The following KCNH8 variants were observed in gnomAD, a reference collection of about 807,000 sequenced individuals.
The protein encoded by KCNH8 is potassium voltage-gated channel subfamily H member 8.
KCNH8 carries 70 observed loss-of-function variants against 103.6 expected under a neutral mutation model. The observed-to-expected ratio is 0.68, with a 90% CI of 0.56 to 0.82. The LOEUF (loss-of-function observed/expected upper bound fraction) is 0.82, where lower values mean the gene tolerates loss of function less well. Ranked by LOEUF, KCNH8 falls within the 40% of genes least tolerant of loss-of-function variation. KCNH8 has a pLI of 0.00. For missense variants in KCNH8, 1,217 were observed against 1,329.9 expected (o/e 0.92, Z 1.32); for synonymous variants, 498 against 489.4 (o/e 1.02, Z -0.23).
intron 1 of KCNH8, among the ~76,000 whole-genome samples, chr3:19,150,735 T>A (rs931261016): frequency 1.3e-5 from 2 of 152,186 alleles, no homozygotes; most frequent in Non-Finnish European, 1.5e-5. Flanking sequence ...TCCTTATTTT[T>A]AAAGAAGACC....
At chr3:19,332,742 C>T (rs912785948) in intron 3 of KCNH8, among the ~76,000 whole-genome samples, 5 of 152,252 alleles carry the variant, frequency 3.3e-5, no homozygotes, top group African/African-American at 1.2e-4. Context: ...AAGCGATTCT[C>T]ATGCCTCAGG....
At chr3:19,368,435 T>C (rs1411376031) in intron 5 of KCNH8, among the ~76,000 whole-genome samples, 2 of 151,844 alleles carry the variant, frequency 1.3e-5, no homozygotes, top group African/African-American at 4.8e-5. Context: ...GGTAAGAAAG[T>C]GTGATGAGAG....
chr3:19,431,303 T>C (rs1468112144), intron 7 of KCNH8, among the ~76,000 whole-genome samples: 3 of 152,242 alleles, frequency 2.0e-5, no homozygotes, highest in African/African-American at 7.2e-5. Context: ...TTTGTGTATG[T>C]TGAACCAACC....
At chr3:19,423,473 T>G (rs2066980836) in intron 7 of KCNH8, among the ~76,000 whole-genome samples, 1 of 152,048 alleles carries the variant, frequency 6.6e-6, no homozygotes, top group Non-Finnish European at 1.5e-5. Context: ...ATCATTCTTA[T>G]GCCTTTGCAT....
intron 11 of KCNH8, among the ~76,000 whole-genome samples, chr3:19,461,324 C>T (rs955234022): frequency 6.6e-6 from 1 of 152,072 alleles, no homozygotes; most frequent in African/African-American, 2.4e-5. Flanking sequence ...TAAGTTTGGA[C>T]CTCTGTTTCT....
chr3:19,274,878 C>T (rs1223583760), intron 2 of KCNH8, among the ~76,000 whole-genome samples: 4 of 85,092 alleles, frequency 4.7e-5, no homozygotes, highest in Non-Finnish European at 8.5e-5. Context: ...CCCCTCCCCA[C>T]CCCTCCCCTC....
intron 11 of KCNH8, among the ~76,000 whole-genome samples, chr3:19,505,160 T>G (rs919000053): frequency 1.3e-5 from 2 of 151,830 alleles, no homozygotes. Flanking sequence ...TAAATGAACA[T>G]GGATGGAGCT....
intron 1 of KCNH8, among the ~76,000 whole-genome samples, chr3:19,182,470 G>T (rs1019099111): frequency 6.6e-6 from 1 of 152,190 alleles, no homozygotes; most frequent in African/African-American, 2.4e-5. Flanking sequence ...GGCAGAGCTT[G>T]CCGTGAGCCA....
At chr3:19,397,593 G>C (rs1354173162) in intron 7 of KCNH8, among the ~76,000 whole-genome samples, 3 of 150,806 alleles carry the variant, frequency 2.0e-5, no homozygotes, top group Non-Finnish European at 4.4e-5. Flanking sequence ...TTATGGGTCA[G>C]TGTCCACATA....
intron 3 of KCNH8, among the ~76,000 whole-genome samples, chr3:19,309,485 C>T (rs2065182349): frequency 6.6e-6 from 1 of 151,936 alleles, no homozygotes; most frequent in Non-Finnish European, 1.5e-5. Context: ...ATTCATTCAG[C>T]AGTCACCAAA....
chr3:19,534,380 T>C lies in KCNH8; in HGVS notation c.*281T>C. The C allele has an allele frequency of 2.4e-6, 1 of 424,374 alleles. No individual in the cohort carries two copies. The highest frequency in any genetic ancestry group is 4.2e-6 in the Non-Finnish European group (1 of 238,742). 26.3% of individuals were successfully genotyped at this position (424,374 alleles called of 1,614,324 possible). On this transcript the variant is annotated 3_prime_UTR_variant, in exon 16 of 16. Coordinates refer to ENST00000328405, the MANE Select transcript of KCNH8 (RefSeq NM_144633.3). ...CAAAGACCCTGAGGGTCTGAGCAGC[T>C]AGAAGTCCTAGACAAAGAACTTGTG...
At chr3:19,374,342 T>A (rs2066155075) in intron 5 of KCNH8, among the ~76,000 whole-genome samples, 1 of 151,786 alleles carries the variant, frequency 6.6e-6, no homozygotes, top group South Asian at 2.1e-4. Flanking sequence ...CTTGTTGAAT[T>A]GATCCCTTTA....
chr3:19,495,916 A>C (rs1413647894), intron 11 of KCNH8, among the ~76,000 whole-genome samples: 1 of 151,710 alleles, frequency 6.6e-6, no homozygotes, highest in African/African-American at 2.4e-5. Context: ...ATCTTTCACC[A>C]CTCTGGTTAG....
chr3:19,424,415 A>G (rs1055488720), intron 7 of KCNH8, among the ~76,000 whole-genome samples: 3 of 152,182 alleles, frequency 2.0e-5, no homozygotes, highest in Non-Finnish European at 4.4e-5. Context: ...CACATGTGGA[A>G]GAAGGAAACT....
chr3:19,375,305 G>C (rs6114184), intron 5 of KCNH8, among the ~76,000 whole-genome samples: 16,407 of 146,792 alleles, frequency 0.11, 988 homozygotes, highest in East Asian at 0.2. Context: ...TTGCTCATTT[G>C]TTTTTATTCT....
At chr3:19,151,352 T>G (rs563870212) in intron 1 of KCNH8, among the ~76,000 whole-genome samples, 1 of 152,296 alleles carries the variant, frequency 6.6e-6, no homozygotes, top group East Asian at 1.9e-4. Flanking sequence ...ATGTTAATTA[T>G]ACTGAATATG....
At chr3:19,230,688 CATTT>C (rs2063984306) in intron 1 of KCNH8, among the ~76,000 whole-genome samples, 1 of 148,936 alleles carries the variant, frequency 6.7e-6, no homozygotes, top group South Asian at 2.1e-4. Flanking sequence ...GTACTGTAAA[CATTT>C]ATTGTGCTCA....
intron 12 of KCNH8, 109 bp from the exon 13 acceptor site, chr3:19,512,857 AAAGT>A: frequency 2.1e-6 from 2 of 943,826 alleles, no homozygotes; most frequent in East Asian, 2.4e-5. Context: ...GTTTTAATGA[AAAGT>A]AAGTCTCTAA....
chr3:19,463,027 TATC>T (rs1045197559), intron 11 of KCNH8, among the ~76,000 whole-genome samples: 19 of 152,192 alleles, frequency 1.2e-4, no homozygotes, highest in Non-Finnish European at 1.8e-4. Flanking sequence ...CGTTTTTTCT[TATC>T]ATAACTCCCT....
Sources: allele counts gnomAD v4.1 joint callset (sites outside exome capture counted in the v4.1 genomes callset), GRCh38; gene constraint gnomAD v4.1.1; transcripts MANE v1.5; gene names NCBI Gene and HGNC (gene_info 2026-07-23, HGNC 2026-07-21).